Variants in RPL34 observed in about 807,000 individuals in gnomAD.
RPL34 encodes large ribosomal subunit protein eL34.
A neutral mutation model predicts 16.3 loss-of-function variants in RPL34; 2 were observed. That is an observed-to-expected ratio of 0.12 (90% CI 0.05 to 0.39). RPL34 has a LOEUF of 0.39. RPL34 is among the 10% of genes least tolerant of loss of function. RPL34 has a pLI of 0.99. For synonymous variants in RPL34, 47 were observed against 48.5 expected (o/e 0.97, Z 0.13); for missense variants, 82 against 148.8 (o/e 0.55, Z 2.33).
chr4:108,629,862 G>A (rs1247868529), downstream of RPL34, among the ~76,000 whole-genome samples: 1 of 152,068 alleles, frequency 6.6e-6, no homozygotes, highest in Non-Finnish European at 1.5e-5. Flanking sequence ...TGATAGTCAG[G>A]GCTATGTCCA....
chr4:108,629,594 C>T (rs1467957223), downstream of RPL34, among the ~76,000 whole-genome samples: 1 of 152,138 alleles, frequency 6.6e-6, no homozygotes, highest in East Asian at 1.9e-4. Flanking sequence ...GAATCCAGTT[C>T]TATGTGTGTG....
downstream of RPL34, among the ~76,000 whole-genome samples, chr4:108,629,105 A>G (rs1726103917): frequency 6.6e-6 from 1 of 152,196 alleles, no homozygotes. Context: ...GGCTTGAGCC[A>G]CCACGCTGGG....
rs779188973 is a variant in RPL34, at chr4:108,622,506, C to T, written c.166-9C>T. 4.4e-6 allele frequency: 7 copies of T among 1,598,358 alleles called. No homozygotes were observed. ...GCATCACAAAAATCTTAATATTTTT[C>T]TTATGCAGGTTCGTGCTGTAAGACC... On this transcript the variant is annotated splice_polypyrimidine_tract_variant and intron_variant, in intron 3 of 4. Transcript: ENST00000394667.
chr4:108,620,648 G>T, intron 1 of RPL34, 48 bp downstream of exon 1: 1 of 254,632 alleles, frequency 3.9e-6, no homozygotes, highest in Non-Finnish European at 8.1e-6. Flanking sequence ...TTACCAATCG[G>T]CTGCCATCCG....
downstream of RPL34, among the ~76,000 whole-genome samples, chr4:108,629,092 A>G (rs1048112256): frequency 2.6e-5 from 4 of 152,208 alleles, no homozygotes; most frequent in African/African-American, 9.7e-5. Context: ...TGTTGGGATG[A>G]CAGGCTTGAG....
In RPL34 at chr4:108,620,617, C is replaced by CT. The variant is rs1377357190; in HGVS notation, c.-10+21dup. ...TGTCTGCAGGTATGGATGTTGTTCT[C>CT]TTTTCCCTGTCTTTATTTCCTTACC... On this transcript the variant is annotated intron_variant, in intron 1 of 4. Coordinates refer to ENST00000394667, the MANE Select transcript of RPL34 (RefSeq NM_001319236.2). 2 of 286,606 alleles carry CT rather than the reference C, an allele frequency of 7.0e-6. No individual in the cohort carries two copies. Among genetic ancestry groups the CT allele is most frequent in the Admixed American group, 9.2e-5 (2 of 21,672 alleles). The allele number at this position is 286,606 out of a possible 1,614,324, so 17.8% of individuals were successfully genotyped here.
At chr4:108,625,933 C>A (rs1039616598), downstream of RPL34, among the ~76,000 whole-genome samples, 6 of 152,100 alleles carry the variant, frequency 3.9e-5, no homozygotes, top group Admixed American at 1.3e-4. Flanking sequence ...TGGAATGGAA[C>A]CTTTTTAAGA....
At chr4:108,628,743 T>TACTTAACAA (rs530381341), downstream of RPL34, among the ~76,000 whole-genome samples, 338 of 152,356 alleles carry the variant, frequency 2.2e-3, 1 homozygote, top group African/African-American at 7.8e-3. Flanking sequence ...TAAATGGTTT[T>TACTTAACAA]ACTTAACAAA....
At chr4:108,628,819 TACTA>T (rs1355744509), downstream of RPL34, among the ~76,000 whole-genome samples, 2 of 151,996 alleles carry the variant, frequency 1.3e-5, no homozygotes, top group African/African-American at 2.4e-5. Context: ...TTTCACTACT[TACTA>T]TTATTATTAT....
downstream of RPL34, among the ~76,000 whole-genome samples, chr4:108,629,386 C>G (rs981516991): frequency 6.6e-6 from 1 of 152,254 alleles, no homozygotes; most frequent in South Asian, 2.1e-4. Context: ...AAAACATGAG[C>G]CTTCTTATAT....
exon 6 of RPL34, chr4:108,630,377 T>A (rs1450663433): frequency 6.6e-6 from 1 of 152,228 alleles, no homozygotes; most frequent in Non-Finnish European, 1.5e-5. Context: ...GTTTAGGGTT[T>A]GATTTTATAA....
chr4:108,621,750 A>C (rs1725786250), intron 1 of RPL34: 1 of 509,636 alleles, frequency 2.0e-6, no homozygotes, highest in Non-Finnish European at 3.6e-6. Context: ...GATTACCATC[A>C]GGAAAGCTAA....
At chr4:108,628,372 A>G (rs1488138623), downstream of RPL34, among the ~76,000 whole-genome samples, 1 of 152,258 alleles carries the variant, frequency 6.6e-6, no homozygotes, top group Non-Finnish European at 1.5e-5. Flanking sequence ...TGTATTTGAT[A>G]TAACCATCTA....
At chr4:108,625,711 G>A (rs1725977888), downstream of RPL34, among the ~76,000 whole-genome samples, 1 of 152,174 alleles carries the variant, frequency 6.6e-6, no homozygotes, top group Non-Finnish European at 1.5e-5. Flanking sequence ...TGAAGAAACA[G>A]TTGGTGGTCA....
At chr4:108,629,442 G>C (rs920320713), downstream of RPL34, among the ~76,000 whole-genome samples, 1 of 152,052 alleles carries the variant, frequency 6.6e-6, no homozygotes, top group African/African-American at 2.4e-5. Context: ...ATATTCACAA[G>C]TTGGTGTTGA....
chr4:108,623,206 G>T (rs940371655), intron 4 of RPL34: 1 of 152,242 alleles, frequency 6.6e-6, no homozygotes, highest in African/African-American at 2.4e-5. Flanking sequence ...GGTGGCGCAT[G>T]CCTGTGATCC....
chr4:108,627,775 T>C (rs1726065209), downstream of RPL34, among the ~76,000 whole-genome samples: 1 of 151,432 alleles, frequency 6.6e-6, no homozygotes, highest in African/African-American at 2.4e-5. Flanking sequence ...GGCAGAAGAA[T>C]CGCTTGAACC....
downstream of RPL34, among the ~76,000 whole-genome samples, chr4:108,629,569 A>G (rs1726115052): frequency 6.6e-6 from 1 of 152,248 alleles, no homozygotes; most frequent in African/African-American, 2.4e-5. Context: ...TAAAAAACAA[A>G]ATGAAGCTCT....
downstream of RPL34, among the ~76,000 whole-genome samples, chr4:108,626,636 GC>G (rs1726012011): frequency 6.6e-6 from 1 of 151,904 alleles, no homozygotes; most frequent in Non-Finnish European, 1.5e-5. Flanking sequence ...ATGGGGTTTT[GC>G]CATATTGGCC....
Sources: gnomAD v4.1 joint callset for allele counts (sites outside exome capture counted in the v4.1 genomes callset) on GRCh38, gnomAD v4.1.1 for gene constraint, MANE v1.5 for transcripts, NCBI Gene and HGNC (gene_info 2026-07-23, HGNC 2026-07-21) for gene names.